The following HS6ST3 variants were observed in gnomAD, a reference collection of about 807,000 sequenced individuals.
The protein encoded by HS6ST3 is heparan sulfate 6-O-sulfotransferase 3.
Under a neutral mutation model 36.7 loss-of-function variants are expected in HS6ST3, and 12 were observed. The ratio of observed to expected loss-of-function variants is 0.33; its 90% CI spans 0.21 to 0.53. The LOEUF is 0.53. Ranked by LOEUF, HS6ST3 falls within the 20% of genes least tolerant of loss-of-function variation. HS6ST3 has a pLI of 0.95. For missense variants in HS6ST3, 584 were observed against 640.9 expected (o/e 0.91, Z 0.96); for synonymous variants, 240 against 257.5 (o/e 0.93, Z 0.65).
chr13:96,350,949 CT>C (rs1384234532), intron 1 of HS6ST3, among the ~76,000 whole-genome samples: 6 of 152,116 alleles, frequency 3.9e-5, no homozygotes, highest in Admixed American at 3.9e-4. Flanking sequence ...AATTGCATTT[CT>C]TTTGAAAGTT....
chr13:96,827,619 G>A (rs1878677387), intron 1 of HS6ST3, among the ~76,000 whole-genome samples: 1 of 152,146 alleles, frequency 6.6e-6, no homozygotes, highest in Admixed American at 6.5e-5. Context: ...TCTATGTTTT[G>A]ATGTCAGAGC....
intron 1 of HS6ST3, among the ~76,000 whole-genome samples, chr13:96,352,929 C>G (rs914932701): frequency 1.3e-5 from 2 of 151,986 alleles, no homozygotes; most frequent in African/African-American, 4.8e-5. Context: ...ATAACTTCTC[C>G]AAGGTCCCAC....
chr13:96,830,793 C>A (rs1878761805), intron 1 of HS6ST3, among the ~76,000 whole-genome samples: 1 of 152,102 alleles, frequency 6.6e-6, no homozygotes, highest in Admixed American at 6.6e-5. Context: ...TTTTTTCTCC[C>A]TAGGGGAGCT....
At chr13:96,661,711 GT>G (rs989031641) in intron 1 of HS6ST3, among the ~76,000 whole-genome samples, 36 of 152,088 alleles carry the variant, frequency 2.4e-4, no homozygotes, top group African/African-American at 8.7e-4. Context: ...TTACTTTCAC[GT>G]GTTTTTATGA....
intron 1 of HS6ST3, among the ~76,000 whole-genome samples, chr13:96,396,582 A>G (rs964999668): frequency 2.6e-5 from 4 of 152,132 alleles, no homozygotes; most frequent in African/African-American, 9.7e-5. Context: ...TGTGGTATGC[A>G]GAGTCACCTT....
chr13:96,597,571 G>T (rs573621302), intron 1 of HS6ST3, among the ~76,000 whole-genome samples: 35 of 151,714 alleles, frequency 2.3e-4, no homozygotes, highest in Non-Finnish European at 4.3e-4. Context: ...GTTCCTTGTA[G>T]ATTCTGGATA....
intron 1 of HS6ST3, among the ~76,000 whole-genome samples, chr13:96,208,172 T>G (rs2139355823): frequency 6.6e-6 from 1 of 152,274 alleles, no homozygotes; most frequent in Admixed American, 6.5e-5. Flanking sequence ...CCTCCATATA[T>G]TTTTAAAAAT....
chr13:96,764,606 T>C (rs1299460736), intron 1 of HS6ST3, among the ~76,000 whole-genome samples: 1 of 152,216 alleles, frequency 6.6e-6, no homozygotes, highest in African/African-American at 2.4e-5. Context: ...CATGCCATCT[T>C]GCTCAGTGGC....
At chr13:96,815,193 G>A (rs1878394794) in intron 1 of HS6ST3, among the ~76,000 whole-genome samples, 1 of 152,178 alleles carries the variant, frequency 6.6e-6, no homozygotes, top group South Asian at 2.1e-4. Flanking sequence ...CACCGTGCCA[G>A]GCCTCTTCTC....
chr13:96,199,965 C>T (rs1408853433), intron 1 of HS6ST3, among the ~76,000 whole-genome samples: 3 of 151,992 alleles, frequency 2.0e-5, no homozygotes, highest in African/African-American at 4.8e-5. Flanking sequence ...TTTTCAGGAG[C>T]GGAAAAATAT....
At chr13:96,295,824 G>A (rs1052024388) in intron 1 of HS6ST3, among the ~76,000 whole-genome samples, 9 of 152,084 alleles carry the variant, frequency 5.9e-5, no homozygotes, top group Non-Finnish European at 8.8e-5. Flanking sequence ...GGTTTGATGC[G>A]CTGATTGTCA....
chr13:96,373,159 T>C (rs867109875), intron 1 of HS6ST3, among the ~76,000 whole-genome samples: 6 of 152,210 alleles, frequency 3.9e-5, no homozygotes, highest in African/African-American at 4.8e-5. Flanking sequence ...AGGACACTTG[T>C]CATGGGATTT....
intron 1 of HS6ST3, among the ~76,000 whole-genome samples, chr13:96,167,922 G>A (rs578235426): frequency 1.3e-5 from 2 of 152,202 alleles, no homozygotes; most frequent in South Asian, 2.1e-4. Context: ...TTTGTGCTGT[G>A]GGCTTAGATT....
At chr13:96,107,396 G>A (rs1193743451) in intron 1 of HS6ST3, among the ~76,000 whole-genome samples, 4 of 152,164 alleles carry the variant, frequency 2.6e-5, no homozygotes, top group Admixed American at 2.6e-4. Flanking sequence ...GGGACAAGGT[G>A]TTGGATGGGT....
chr13:96,554,696 A>G (rs2056232683), intron 1 of HS6ST3, among the ~76,000 whole-genome samples: 1 of 152,140 alleles, frequency 6.6e-6, no homozygotes, highest in Non-Finnish European at 1.5e-5. Context: ...GCCTAGGGCC[A>G]TAGTGCAGTC....
chr13:96,304,723 T>TCTTTCTTTCTTTCTTTCTTTC (rs1278260017), intron 1 of HS6ST3, among the ~76,000 whole-genome samples: 2 of 68,634 alleles, frequency 2.9e-5, no homozygotes, highest in Non-Finnish European at 5.5e-5. Context: ...TTTTTTTTTT[T>TCTTTCTTTCTTTCTTTCTTTC]TTTTTTTTAC....
chr13:96,305,307 G>T (rs1051338982), intron 1 of HS6ST3, among the ~76,000 whole-genome samples: 1 of 151,998 alleles, frequency 6.6e-6, no homozygotes, highest in South Asian at 2.1e-4. Flanking sequence ...AATATTTAAT[G>T]TTACCATACT....
At chr13:96,238,098 C>A (rs188949048) in intron 1 of HS6ST3, among the ~76,000 whole-genome samples, 2 of 152,310 alleles carry the variant, frequency 1.3e-5, no homozygotes, top group Admixed American at 1.3e-4. Context: ...AAACCTGTTC[C>A]TCTCTCAGTC....
At chr13:96,501,175 ATGAGATTAG>A (rs1379182499) in intron 1 of HS6ST3, among the ~76,000 whole-genome samples, 1 of 152,174 alleles carries the variant, frequency 6.6e-6, no homozygotes, top group Non-Finnish European at 1.5e-5. Flanking sequence ...TGTCTGGCTG[ATGAGATTAG>A]TCATTAGTGT....
Sources: allele counts gnomAD v4.1 joint callset (sites outside exome capture counted in the v4.1 genomes callset), GRCh38; gene constraint gnomAD v4.1.1; transcripts MANE v1.5; gene names NCBI Gene and HGNC (gene_info 2026-07-23, HGNC 2026-07-21).